CDH17: variants seen among roughly 807,000 people sequenced by gnomAD.
CDH17 encodes the protein cadherin 17.
A neutral mutation model predicts 86.3 loss-of-function variants in CDH17; 67 were observed. The observed-to-expected ratio is 0.78, with a 90% CI of 0.64 to 0.95. CDH17 has a LOEUF of 0.95. CDH17 is among the 40% of genes least tolerant of loss of function. The probability of loss-of-function intolerance (pLI) is 0.00; values close to 1 mark genes in which losing one functional copy is unlikely to be tolerated. For synonymous variants in CDH17, 367 were observed against 366.4 expected, an observed-to-expected ratio of 1.00 and a Z score of -0.02; for missense variants, 993 against 1,017.6, an observed-to-expected ratio of 0.98 and a Z score of 0.33.
chr8:94,162,005 C>T, intron 11 of CDH17, 81 bp downstream of exon 11: 1 of 884,410 alleles, frequency 1.1e-6, no homozygotes, highest in Non-Finnish European at 1.9e-6. Flanking sequence ...TTCCTAGCTA[C>T]TGTCTGTGTC....
Position 94,214,468 on chromosome 8 carries a change from C to A in CDH17, c.-21+2730G>T, listed in dbSNP as rs190553232. ...GATCTTCACATGCAAAACAATGAAA[C>A]TGGACCCTGACCTCACACCATTCAG... On this transcript the variant is annotated intron_variant, in intron 1 of 17. Coordinates refer to the CDH17 transcript ENST00000450165. Among the ~76,000 whole-genome samples, 1,456 of 152,242 alleles carry A rather than the reference C, an allele frequency of 9.6e-3. 22 individuals are homozygous for A. Among genetic ancestry groups the A allele is most frequent in the African/African-American group, 0.032 (1,326 of 41,530 alleles).
chr8:94,200,720 G>A (rs1813895448), intron 1 of CDH17, among the ~76,000 whole-genome samples: 2 of 151,642 alleles, frequency 1.3e-5, no homozygotes, highest in South Asian at 2.1e-4. Flanking sequence ...TGCTCTGCAG[G>A]AACAGTGCCT....
chr8:94,133,634 T>C (rs888755536), intron 15 of CDH17, among the ~76,000 whole-genome samples: 5 of 152,240 alleles, frequency 3.3e-5, no homozygotes, highest in African/African-American at 4.8e-5. Flanking sequence ...CTTTTCCTAA[T>C]TGAATACCCT....
intron 1 of CDH17, among the ~76,000 whole-genome samples, chr8:94,201,191 A>T (rs1048264205): frequency 6.6e-6 from 1 of 152,106 alleles, no homozygotes; most frequent in Non-Finnish European, 1.5e-5. Flanking sequence ...TGGTCTGGGA[A>T]GTTTTGTTTC....
At chr8:94,168,613 A>G (rs1027165345) in intron 9 of CDH17, among the ~76,000 whole-genome samples, 17 of 152,274 alleles carry the variant, frequency 1.1e-4, no homozygotes, top group Non-Finnish European at 2.1e-4. Flanking sequence ...GGTCCACTAA[A>G]GACTCTGAAA....
chr8:94,140,951 A>G lies in CDH17; in HGVS notation c.2167+4977T>C, dbSNP rs575105816. Among the ~76,000 whole-genome samples, 90 of 151,256 alleles carry G rather than the reference A, an allele frequency of 6.0e-4. 2 individuals carry two copies. In the South Asian group the frequency reaches 0.018, roughly 31 times the overall value. Reference sequence around the variant, plus strand: ...TTCTTTCAAACTTTAAGAAGAAGTAATACCAATTTTATGCAAACTTGTCCA... The same window carrying G: ...TTCTTTCAAACTTTAAGAAGAAGTAGTACCAATTTTATGCAAACTTGTCCA... On this transcript the variant is annotated intron_variant, in intron 15 of 17. Transcript: ENST00000027335.
rs1169542767 is a variant in CDH17 at position 94,176,420 on chromosome 8, T to C, written c.424+121A>G. ...TAGTGAAACAACTCCCAAATCAGTG[T>C]GAAATGTAGGTAAGATAGTGCTTAT... On this transcript the variant is annotated intron_variant, in intron 5 of 17. Transcript: ENST00000027335. 3 of 1,053,968 alleles carry C rather than the reference T, an allele frequency of 2.8e-6. No homozygotes were observed. In the South Asian group the frequency reaches 4.5e-5, roughly 16 times the overall value. 65.3% of individuals were successfully genotyped at this position (1,053,968 alleles called of 1,614,324 possible). A position where few individuals can be genotyped will look rare whatever the true frequency, so the allele number is the denominator to read the frequency against.
chr8:94,179,936 A>G (rs935199544), intron 3 of CDH17, among the ~76,000 whole-genome samples: 24 of 152,234 alleles, frequency 1.6e-4, no homozygotes, highest in African/African-American at 5.8e-4. Context: ...GTACAAAAAT[A>G]TTAAAAAGTC....
chr8:94,189,586 A>G (rs1181128199), intron 2 of CDH17, among the ~76,000 whole-genome samples: 5 of 152,252 alleles, frequency 3.3e-5, no homozygotes, highest in Non-Finnish European at 7.3e-5. Context: ...TTAACACAGC[A>G]CACATGCTCA....
At chr8:94,191,076 G>GT (rs1813679204) in intron 2 of CDH17, among the ~76,000 whole-genome samples, 1 of 152,086 alleles carries the variant, frequency 6.6e-6, no homozygotes, top group Non-Finnish European at 1.5e-5. Flanking sequence ...AGCTAGGAAG[G>GT]TGGCCAAGTG....
intron 15 of CDH17, among the ~76,000 whole-genome samples, chr8:94,140,026 G>A (rs145415068): frequency 1.0e-3 from 154 of 152,220 alleles, no homozygotes; most frequent in African/African-American, 3.4e-3. Flanking sequence ...AGTTAGAAAG[G>A]TATAAGGTAT....
chr8:94,179,130 G>A (rs1468512698), intron 3 of CDH17, among the ~76,000 whole-genome samples: 1 of 151,322 alleles, frequency 6.6e-6, no homozygotes, highest in Admixed American at 6.6e-5. Context: ...AAGTAGCCTT[G>A]AAAGCAACAG....
chr8:94,203,135 A>C (rs1354571390), intron 1 of CDH17: 1 of 156,588 alleles, frequency 6.4e-6, no homozygotes, highest in East Asian at 1.9e-4. Context: ...TCTACGTCCC[A>C]GATCTCCAGA....
chr8:94,136,414 C>G (rs1178627473), intron 15 of CDH17, among the ~76,000 whole-genome samples: 1 of 152,162 alleles, frequency 6.6e-6, no homozygotes, highest in Non-Finnish European at 1.5e-5. Context: ...GATACACTTT[C>G]TTCCACTTGA....
At chr8:94,197,595 G>A (rs945576956) in intron 1 of CDH17, among the ~76,000 whole-genome samples, 1 of 152,082 alleles carries the variant, frequency 6.6e-6, no homozygotes, top group African/African-American at 2.4e-5. Flanking sequence ...CACTTTGGGA[G>A]GCTGAGGCAG....
At chr8:94,148,631 A>T in intron 14 of CDH17, 113 bp downstream of exon 14, 1 of 593,384 alleles carries the variant, frequency 1.7e-6, no homozygotes, top group Non-Finnish European at 2.5e-6. Context: ...TAAGGTTGTG[A>T]TATTCTGGTG....
chr8:94,207,618 A>C (rs1021680064), intron 1 of CDH17, among the ~76,000 whole-genome samples: 1 of 152,184 alleles, frequency 6.6e-6, no homozygotes, highest in Admixed American at 6.6e-5. Flanking sequence ...TCTTCTTTCA[A>C]ATAATGCCTC....
In CDH17 at chr8:94,133,583, T is replaced by C. The variant is rs146269966; in HGVS notation, c.2168-2591A>G. 1.9e-3 allele frequency among the ~76,000 whole-genome samples: 297 copies of C among 152,314 alleles called. 2 individuals carry two copies. The Middle Eastern group carries it at 0.044, about 23-fold the overall frequency. On this transcript the variant is annotated intron_variant, in intron 15 of 17. Coordinates refer to ENST00000027335, the MANE Select transcript of CDH17 (RefSeq NM_004063.4). Reference sequence around the variant, plus strand: ...CTGAGACAATAGGGTTTTCTAAATATACAATCATGTCATGTGCAAACAGGG... The same window carrying C: ...CTGAGACAATAGGGTTTTCTAAATACACAATCATGTCATGTGCAAACAGGG...
intron 1 of CDH17, chr8:94,202,173 ATT>A (rs34298667): frequency 1.4e-3 from 196 of 142,450 alleles, no homozygotes; most frequent in Middle Eastern, 7.4e-3. Context: ...GCTGGTATCG[ATT>A]TTTTTTTTTT....
Sources: allele counts gnomAD v4.1 joint callset (sites outside exome capture counted in the v4.1 genomes callset), GRCh38; gene constraint gnomAD v4.1.1; transcripts MANE v1.5; gene names NCBI Gene and HGNC (gene_info 2026-07-23, HGNC 2026-07-21).